Variants in MAPK4 observed in about 807,000 individuals in gnomAD.
The protein encoded by MAPK4 is mitogen-activated protein kinase 4.
A neutral mutation model predicts 47.7 loss-of-function variants in MAPK4; 22 were observed. The ratio of observed to expected loss-of-function variants is 0.46; its 90% CI spans 0.33 to 0.66. The LOEUF (loss-of-function observed/expected upper bound fraction) is 0.66. MAPK4 is among the 30% of genes least tolerant of loss of function. The pLI is 0.02. For synonymous variants in MAPK4, 390 were observed against 365.7 expected, an observed-to-expected ratio of 1.07 and a Z score of -0.76; for missense variants, 736 against 831.7, an observed-to-expected ratio of 0.88 and a Z score of 1.42.
intron 2 of MAPK4, among the ~76,000 whole-genome samples, chr18:50,679,002 G>A (rs1015030552): frequency 5.3e-5 from 8 of 152,162 alleles, no homozygotes; most frequent in South Asian, 2.1e-4. Flanking sequence ...CAGTAAGCTC[G>A]ATGAAGCCAT....
intron 1 of MAPK4, among the ~76,000 whole-genome samples, chr18:50,564,394 A>C (rs902612878): frequency 2.0e-5 from 3 of 152,168 alleles, no homozygotes; most frequent in African/African-American, 7.2e-5. Context: ...AGATGCCAGG[A>C]GCACTAAACA....
chr18:50,625,909 CACACACACACACACACACAT>C (rs71171325), intron 1 of MAPK4, among the ~76,000 whole-genome samples: 22,192 of 149,226 alleles, frequency 0.15, 1,651 homozygotes, highest in East Asian at 0.19. Context: ...CACACACACA[CACACACACACACACACACAT>C]ATATAATGAC....
At chr18:50,623,232 A>G (rs907732722) in intron 1 of MAPK4, among the ~76,000 whole-genome samples, 1 of 152,166 alleles carries the variant, frequency 6.6e-6, no homozygotes, top group African/African-American at 2.4e-5. Flanking sequence ...TCAGGCGGGG[A>G]GTGGTTAATT....
At chr18:50,582,675 C>T (rs1306484303) in intron 1 of MAPK4, among the ~76,000 whole-genome samples, 1 of 152,276 alleles carries the variant, frequency 6.6e-6, no homozygotes, top group African/African-American at 2.4e-5. Flanking sequence ...GCTCACTCCA[C>T]CTGCTTGGCC....
intron 2 of MAPK4, among the ~76,000 whole-genome samples, chr18:50,695,827 A>G (rs1463769843): frequency 6.6e-6 from 1 of 152,244 alleles, no homozygotes; most frequent in Non-Finnish European, 1.5e-5. Flanking sequence ...GCAGAGTGAC[A>G]TCTATTCAGA....
At chr18:50,684,428 C>T (rs970283117) in intron 2 of MAPK4, among the ~76,000 whole-genome samples, 2 of 151,858 alleles carry the variant, frequency 1.3e-5, no homozygotes, top group Admixed American at 6.6e-5. Context: ...CACCTGTAGT[C>T]CCAGCTACTC....
At chr18:50,622,459 C>A (rs2042740671) in intron 1 of MAPK4, among the ~76,000 whole-genome samples, 1 of 152,284 alleles carries the variant, frequency 6.6e-6, no homozygotes, top group South Asian at 2.1e-4. Context: ...TGCGGGCTGC[C>A]CTGGACAGGA....
At chr18:50,603,460 C>G (rs2042557530) in intron 1 of MAPK4, among the ~76,000 whole-genome samples, 1 of 152,164 alleles carries the variant, frequency 6.6e-6, no homozygotes, top group South Asian at 2.1e-4. Flanking sequence ...CTCCTAAACT[C>G]TCCTATGTCT....
chr18:50,590,955 T>C (rs1046867844), intron 1 of MAPK4, among the ~76,000 whole-genome samples: 1 of 152,242 alleles, frequency 6.6e-6, no homozygotes, highest in Non-Finnish European at 1.5e-5. Flanking sequence ...CCACACAAGC[T>C]GTGCATTTTG....
At chr18:50,673,004 T>A (rs115322165) in intron 2 of MAPK4, among the ~76,000 whole-genome samples, 3 of 152,164 alleles carry the variant, frequency 2.0e-5, no homozygotes, top group Non-Finnish European at 1.5e-5. Flanking sequence ...GTGCTGGGCA[T>A]AGTGGCTCAC....
chr18:50,610,778 C>G (rs1445135791), intron 1 of MAPK4, among the ~76,000 whole-genome samples: 5 of 152,202 alleles, frequency 3.3e-5, no homozygotes, highest in Admixed American at 2.6e-4. Flanking sequence ...TACCCCCTCT[C>G]CTGGGCTTCT....
chr18:50,625,789 G>C (rs1328547461), intron 1 of MAPK4, among the ~76,000 whole-genome samples: 1 of 151,882 alleles, frequency 6.6e-6, no homozygotes, highest in African/African-American at 2.4e-5. Context: ...TCTCTGGAAG[G>C]GGCTCTTGCT....
chr18:50,640,167 A>G (rs2042926085), intron 1 of MAPK4, among the ~76,000 whole-genome samples: 1 of 152,188 alleles, frequency 6.6e-6, no homozygotes, highest in African/African-American at 2.4e-5. Context: ...AAACAACCAC[A>G]CTAGCAGTAG....
chr18:50,570,382 C>G (rs8089517), intron 1 of MAPK4, among the ~76,000 whole-genome samples: 62,029 of 152,128 alleles, frequency 0.41, 13,570 homozygotes, highest in Middle Eastern at 0.49. Context: ...AGCCCCATCT[C>G]GAACCTGCTT....
chr18:50,703,335 C>T (rs1431241282), intron 2 of MAPK4, among the ~76,000 whole-genome samples: 1 of 152,186 alleles, frequency 6.6e-6, no homozygotes, highest in East Asian at 1.9e-4. Context: ...ACCAAAACAT[C>T]CCTGCTTTTC....
intron 3 of MAPK4, among the ~76,000 whole-genome samples, chr18:50,717,512 G>A (rs1360972416): frequency 6.6e-6 from 1 of 152,096 alleles, no homozygotes; most frequent in Non-Finnish European, 1.5e-5. Context: ...GAGTAGGATA[G>A]CCTTACCCCA....
At chr18:50,707,512 A>C (rs577594619) in intron 2 of MAPK4, among the ~76,000 whole-genome samples, 64 of 146,988 alleles carry the variant, frequency 4.4e-4, no homozygotes, top group Non-Finnish European at 7.9e-4. Flanking sequence ...GGGAGACTGC[A>C]GTGAGTCATG....
intron 2 of MAPK4, among the ~76,000 whole-genome samples, chr18:50,685,943 G>C (rs1908859174): frequency 6.6e-6 from 1 of 152,018 alleles, no homozygotes; most frequent in Admixed American, 6.6e-5. Flanking sequence ...AAAATATCAA[G>C]GGGCCAGAGC....
intron 1 of MAPK4, among the ~76,000 whole-genome samples, chr18:50,577,462 AG>A (rs1415500393): frequency 2.0e-5 from 3 of 152,150 alleles, no homozygotes; most frequent in African/African-American, 7.2e-5. Context: ...TCCAGAGACT[AG>A]GGTTTAATTG....
Sources: allele counts gnomAD v4.1 joint callset (sites outside exome capture counted in the v4.1 genomes callset), GRCh38; gene constraint gnomAD v4.1.1; transcripts MANE v1.5; gene names NCBI Gene and HGNC (gene_info 2026-07-23, HGNC 2026-07-21).